Variants in SH3RF3 observed in about 807,000 individuals in gnomAD.
SH3RF3 encodes the protein SH3 domain containing ring finger 3.
In SH3RF3, 29 loss-of-function variants were observed where a neutral mutation model predicts 66.3. The observed-to-expected ratio is 0.44, with a 90% CI of 0.33 to 0.60. The LOEUF (loss-of-function observed/expected upper bound fraction) is 0.60, where lower values mean the gene tolerates loss of function less well. SH3RF3 is among the 20% of genes least tolerant of loss of function. The pLI is 0.04. For synonymous variants in SH3RF3, 583 were observed against 532.0 expected, an observed-to-expected ratio of 1.10 and a Z score of -1.32; for missense variants, 1,194 against 1,190.9, an observed-to-expected ratio of 1.00 and a Z score of -0.04.
intron 3 of SH3RF3, among the ~76,000 whole-genome samples, chr2:109,380,275 A>C (rs1350094646): frequency 6.6e-6 from 1 of 152,150 alleles, no homozygotes; most frequent in African/African-American, 2.4e-5. Context: ...AGAATATCTT[A>C]CATTCCATTG....
chr2:109,448,279 A>T (rs974122843), intron 7 of SH3RF3, among the ~76,000 whole-genome samples: 5 of 152,008 alleles, frequency 3.3e-5, no homozygotes, highest in African/African-American at 1.2e-4. Context: ...TATTTTCAAA[A>T]TTTTTCTGAG....
intron 9 of SH3RF3, among the ~76,000 whole-genome samples, chr2:109,493,246 CCA>C (rs1679177579): frequency 6.6e-6 from 1 of 151,176 alleles, no homozygotes; most frequent in Admixed American, 6.6e-5. Flanking sequence ...TACACACGCA[CCA>C]CACACACTGC....
chr2:109,130,254 A>C, intron 1 of SH3RF3, 141 bp downstream of exon 1: 2 of 846,202 alleles, frequency 2.4e-6, no homozygotes, highest in Non-Finnish European at 3.1e-6. Context: ...TCTTCCTCCA[A>C]CTTCGCTTGC....
At chr2:109,219,538 C>G (rs945964505) in intron 1 of SH3RF3, among the ~76,000 whole-genome samples, 1 of 152,014 alleles carries the variant, frequency 6.6e-6, no homozygotes, top group African/African-American at 2.4e-5. Flanking sequence ...ATGATACGAT[C>G]TTATGCATAG....
chr2:109,478,820 A>G (rs536000767), intron 8 of SH3RF3, among the ~76,000 whole-genome samples: 3 of 152,300 alleles, frequency 2.0e-5, no homozygotes, highest in African/African-American at 4.8e-5. Flanking sequence ...AACCCGCTCC[A>G]GTTACTTTTG....
Position 109,458,572 on chromosome 2 carries a change from C to CAGAGAGAGAG in SH3RF3, c.2148+9103_2148+9112dup, listed in dbSNP as rs70958708. ...CCAGAGAAACAGAACCAGCAGGAGA[C>CAGAGAGAGAG]AGAGAGAGAGAGAGAGAGAGAGAGA... On this transcript the variant is annotated intron_variant, in intron 8 of 9. Coordinates refer to ENST00000309415, the MANE Select transcript of SH3RF3 (RefSeq NM_001099289.3). Among the ~76,000 whole-genome samples the CAGAGAGAGAG allele has an allele frequency of 7.9e-3, 968 of 123,032 alleles. 35 individuals are homozygous for CAGAGAGAGAG. The highest frequency in any genetic ancestry group is 0.023 in the African/African-American group (856 of 36,674). 80.7% of individuals were successfully genotyped at this position (123,032 alleles called of 152,430 possible).
intron 1 of SH3RF3, among the ~76,000 whole-genome samples, chr2:109,171,539 G>A (rs1377695567): frequency 2.0e-5 from 3 of 152,330 alleles, no homozygotes; most frequent in African/African-American, 2.4e-5. Flanking sequence ...CTTCGCCCGC[G>A]GCGGGCCAGG....
intron 4 of SH3RF3, among the ~76,000 whole-genome samples, chr2:109,408,518 G>GC (rs1433115131): frequency 6.6e-6 from 1 of 152,178 alleles, no homozygotes; most frequent in Non-Finnish European, 1.5e-5. Context: ...GGTCCCACAC[G>GC]CGCTCACGCC....
At chr2:109,320,872 T>G (rs1682010235) in intron 1 of SH3RF3, among the ~76,000 whole-genome samples, 1 of 152,246 alleles carries the variant, frequency 6.6e-6, no homozygotes, top group South Asian at 2.1e-4. Flanking sequence ...TTCAAATCCC[T>G]GCCCTACGAT....
chr2:109,470,243 C>G (rs1678467254), intron 8 of SH3RF3, among the ~76,000 whole-genome samples: 1 of 152,166 alleles, frequency 6.6e-6, no homozygotes, highest in African/African-American at 2.4e-5. Context: ...ATTTCCTCAT[C>G]AATAAGTGAT....
intron 1 of SH3RF3, among the ~76,000 whole-genome samples, chr2:109,177,442 T>G (rs1677946850): frequency 6.6e-6 from 1 of 152,206 alleles, no homozygotes; most frequent in Non-Finnish European, 1.5e-5. Context: ...TTGGGGCCTG[T>G]GATCTGCCAG....
At chr2:109,345,430 A>C (rs1435890491) in intron 1 of SH3RF3, among the ~76,000 whole-genome samples, 2 of 152,158 alleles carry the variant, frequency 1.3e-5, no homozygotes, top group Non-Finnish European at 1.5e-5. Context: ...CACTGTTGTT[A>C]CCAATGGTAG....
chr2:109,477,613 GGT>G (rs71383845), intron 8 of SH3RF3, among the ~76,000 whole-genome samples: 2,186 of 149,208 alleles, frequency 0.015, 42 homozygotes, highest in East Asian at 0.075. Context: ...GCCACAGATG[GGT>G]GTGTGTGTGT....
chr2:109,400,595 G>A (rs1255371652), intron 4 of SH3RF3, among the ~76,000 whole-genome samples: 1 of 139,200 alleles, frequency 7.2e-6, no homozygotes, highest in Non-Finnish European at 1.6e-5. Context: ...ACACACTTGT[G>A]AACTTATATG....
chr2:109,398,731 G>T lies in SH3RF3; in HGVS notation c.1087G>T (p.Val363Phe). The change falls in exon 4 of 10, where the codon GTC becomes TTC. Residue 363 changes from valine to phenylalanine, a missense_variant. Physicochemically the swap from Val to Phe is conservative, Grantham distance 50 (BLOSUM62 -1). Coordinates refer to ENST00000309415, the MANE Select transcript of SH3RF3 (RefSeq NM_001099289.3). The part of the protein sequence containing the change: ...PSPTLSSSGA[V>F]SAFQRRVDGK... Reference sequence around the variant, plus strand: ...TCCCACTTTAAGCAGCTCAGGGGCGGTCAGTGCCTTTCAGCGGCGTGTGGA... The same window carrying T: ...TCCCACTTTAAGCAGCTCAGGGGCGTTCAGTGCCTTTCAGCGGCGTGTGGA... 6.2e-7 allele frequency: 1 copy of T among 1,613,372 alleles called. No homozygotes were observed. Among genetic ancestry groups the T allele is most frequent in the East Asian group, 2.2e-5 (1 of 44,862 alleles).
chr2:109,461,916 A>T (rs1678216442), intron 8 of SH3RF3, among the ~76,000 whole-genome samples: 1 of 152,156 alleles, frequency 6.6e-6, no homozygotes, highest in African/African-American at 2.4e-5. Context: ...GTCTCTAAAA[A>T]TTCAAAGAGC....
chr2:109,419,747 C>G, intron 5 of SH3RF3, 105 bp downstream of exon 5: 1 of 1,094,860 alleles, frequency 9.1e-7, no homozygotes, highest in Non-Finnish European at 1.3e-6. Context: ...CCATGTGTTA[C>G]TAGTTGGCCA....
intron 1 of SH3RF3, among the ~76,000 whole-genome samples, chr2:109,341,182 C>T (rs1327510844): frequency 1.3e-5 from 2 of 152,096 alleles, no homozygotes; most frequent in African/African-American, 4.8e-5. Flanking sequence ...AAAGTTTGGA[C>T]CCAACAAGCA....
chr2:109,500,080 G>A (rs911953447), intron 9 of SH3RF3, among the ~76,000 whole-genome samples: 4 of 152,146 alleles, frequency 2.6e-5, no homozygotes, highest in African/African-American at 9.7e-5. Context: ...GTGTGTGGCT[G>A]TCCTCAGGTG....
Sources: gnomAD v4.1 joint callset for allele counts (sites outside exome capture counted in the v4.1 genomes callset) on GRCh38, gnomAD v4.1.1 for gene constraint, MANE v1.5 for transcripts, NCBI Gene and HGNC (gene_info 2026-07-23, HGNC 2026-07-21) for gene names.